NELL2: variants seen among roughly 807,000 people sequenced by gnomAD.
The protein encoded by NELL2 is protein kinase C-binding protein NELL2.
NELL2 carries 41 observed loss-of-function variants against 109.6 expected under a neutral mutation model. That is an observed-to-expected ratio of 0.37 (90% CI 0.29 to 0.49). The LOEUF (loss-of-function observed/expected upper bound fraction) is 0.49. NELL2 is among the 20% of genes least tolerant of loss of function. The pLI is 0.98. For synonymous variants in NELL2, 355 were observed against 344.7 expected (o/e 1.03, Z -0.33); for missense variants, 900 against 1,008.3 (o/e 0.89, Z 1.45).
chr12:44,665,314 T>G, intron 13 of NELL2, 170 bp downstream of exon 13: 1 of 505,840 alleles, frequency 2.0e-6, no homozygotes, highest in Non-Finnish European at 3.2e-6. Flanking sequence ...AGCAGGTGTT[T>G]TTTTTCTTTA....
intron 15 of NELL2, among the ~76,000 whole-genome samples, chr12:44,563,303 T>TA (rs1326418625): frequency 6.6e-6 from 1 of 151,770 alleles, no homozygotes; most frequent in African/African-American, 2.4e-5. Flanking sequence ...TCCCAGAACT[T>TA]AAAGTATAAT....
chr12:44,619,900 G>C (rs1945984985), intron 13 of NELL2, among the ~76,000 whole-genome samples: 1 of 152,112 alleles, frequency 6.6e-6, no homozygotes, highest in African/African-American at 2.4e-5. Flanking sequence ...GTCTTGAATA[G>C]AAGGTCTAAA....
chr12:44,747,230 A>G (rs1204813743), intron 9 of NELL2, among the ~76,000 whole-genome samples: 1 of 151,096 alleles, frequency 6.6e-6, no homozygotes, highest in Non-Finnish European at 1.5e-5. Flanking sequence ...GTTCTCACTC[A>G]TATGTGGGAA....
chr12:44,902,156 C>T (rs956190610), intron 1 of NELL2, among the ~76,000 whole-genome samples: 4 of 152,130 alleles, frequency 2.6e-5, no homozygotes, highest in Admixed American at 1.3e-4. Context: ...AAAACCCCAT[C>T]GTCTCAGCCC....
In NELL2 at chr12:44,665,668, T is replaced by A; in HGVS notation, c.1319-59A>T. 2.0e-6 allele frequency: 3 copies of A among 1,494,214 alleles called. No individual in the cohort carries two copies. In the East Asian group the frequency reaches 7.0e-5, roughly 35 times the overall value. 92.6% of individuals were successfully genotyped at this position (1,494,214 alleles called of 1,614,324 possible). ...TGGGCAATATTCTGGAGCTCCTATA[T>A]AATTTTCTTTGGTAGGGAGAGGGAA... On this transcript the variant is annotated intron_variant, in intron 12 of 19. Transcript: ENST00000429094.
intron 1 of NELL2, among the ~76,000 whole-genome samples, chr12:44,919,159 G>A (rs947457032): frequency 5.9e-5 from 9 of 152,060 alleles, no homozygotes; most frequent in African/African-American, 1.4e-4. Flanking sequence ...CATCCTAAAT[G>A]ATACAACTGC....
chr12:44,692,941 C>G (rs1007617754), intron 12 of NELL2, among the ~76,000 whole-genome samples: 2 of 151,974 alleles, frequency 1.3e-5, no homozygotes, highest in Admixed American at 1.3e-4. Context: ...AAATGACAAC[C>G]AAGAATTTAG....
chr12:44,815,835 T>C, intron 3 of NELL2, 151 bp downstream of exon 3: 2 of 733,022 alleles, frequency 2.7e-6, no homozygotes, highest in Non-Finnish European at 4.2e-6. Context: ...GTCAGGCTGG[T>C]CTTGAACTCC....
intron 9 of NELL2, among the ~76,000 whole-genome samples, chr12:44,746,002 C>G (rs953562272): frequency 1.3e-5 from 2 of 152,060 alleles, no homozygotes; most frequent in African/African-American, 4.8e-5. Flanking sequence ...CAATCCTAAG[C>G]CAAAAGAACA....
At chr12:44,730,395 C>T (rs1366231342) in intron 9 of NELL2, among the ~76,000 whole-genome samples, 1 of 152,038 alleles carries the variant, frequency 6.6e-6, no homozygotes, top group Non-Finnish European at 1.5e-5. Context: ...TACTATAAAA[C>T]AAGTCTTAAC....
chr12:44,749,411 C>A (rs781226961), intron 9 of NELL2, among the ~76,000 whole-genome samples: 4 of 152,060 alleles, frequency 2.6e-5, no homozygotes, highest in Non-Finnish European at 5.9e-5. Context: ...TTTTAATATA[C>A]TTTTGGCCAT....
At chr12:44,871,083 T>C (rs1279441228) in intron 2 of NELL2, among the ~76,000 whole-genome samples, 1 of 152,106 alleles carries the variant, frequency 6.6e-6, no homozygotes, top group African/African-American at 2.4e-5. Flanking sequence ...TGCACATTCA[T>C]CCCATGCTCA....
chr12:44,711,224 C>A, intron 11 of NELL2, 68 bp downstream of exon 11: 1 of 1,128,404 alleles, frequency 8.9e-7, no homozygotes, highest in South Asian at 1.3e-5. Context: ...ATTTCTACTT[C>A]ATGTCAGTTG....
chr12:44,858,725 G>C (rs1475617932), intron 2 of NELL2, among the ~76,000 whole-genome samples: 2 of 152,156 alleles, frequency 1.3e-5, no homozygotes, highest in Non-Finnish European at 2.9e-5. Flanking sequence ...ATGTCAATTA[G>C]AAACTGAAAT....
At chr12:44,627,181 A>T (rs1401396971) in intron 13 of NELL2, among the ~76,000 whole-genome samples, 1 of 152,174 alleles carries the variant, frequency 6.6e-6, no homozygotes, top group Non-Finnish European at 1.5e-5. Flanking sequence ...TTTCTTGTCA[A>T]TCCAACCCAA....
At chr12:44,641,986 C>T (rs191442201) in intron 13 of NELL2, among the ~76,000 whole-genome samples, 8 of 152,058 alleles carry the variant, frequency 5.3e-5, no homozygotes, top group Non-Finnish European at 1.0e-4. Context: ...CATAAGCCAG[C>T]GCGCCCGGCC....
intron 12 of NELL2, among the ~76,000 whole-genome samples, chr12:44,672,332 T>C (rs964537717): frequency 3.3e-5 from 5 of 152,160 alleles, no homozygotes; most frequent in African/African-American, 9.7e-5. Flanking sequence ...TAGATTCTTA[T>C]AGGAGTGCAA....
intron 3 of NELL2, among the ~76,000 whole-genome samples, chr12:44,803,584 G>A (rs908615274): frequency 6.6e-6 from 1 of 151,924 alleles, no homozygotes; most frequent in Non-Finnish European, 1.5e-5. Flanking sequence ...TAACTTTTCT[G>A]TAGGTTTGCA....
chr12:44,513,450 A>C (rs1271449023), intron 19 of NELL2, among the ~76,000 whole-genome samples: 1 of 151,956 alleles, frequency 6.6e-6, no homozygotes, highest in Non-Finnish European at 1.5e-5. Flanking sequence ...ATGGAAAATG[A>C]CTCGAAGATG....
Sources: allele counts gnomAD v4.1 joint callset (sites outside exome capture counted in the v4.1 genomes callset), GRCh38; gene constraint gnomAD v4.1.1; transcripts MANE v1.5; gene names NCBI Gene and HGNC (gene_info 2026-07-23, HGNC 2026-07-21).